PAMR1: variants seen among roughly 807,000 people sequenced by gnomAD.
PAMR1 encodes inactive serine protease PAMR1.
Under a neutral mutation model 81.8 loss-of-function variants are expected in PAMR1, and 88 were observed. The ratio of observed to expected loss-of-function variants is 1.08; its 90% CI spans 0.91 to 1.28. The LOEUF (loss-of-function observed/expected upper bound fraction) is 1.28. Ranked by LOEUF, PAMR1 falls within the 50% of genes most tolerant of loss-of-function variation. The pLI, the probability that PAMR1 is intolerant of heterozygous loss-of-function variation, is 0.00. For synonymous variants in PAMR1, 336 were observed against 345.3 expected (o/e 0.97, Z 0.30); for missense variants, 935 against 919.7 (o/e 1.02, Z -0.21).
At chr11:35,503,234 A>C (rs1004139762) in intron 1 of PAMR1, among the ~76,000 whole-genome samples, 2 of 149,860 alleles carry the variant, frequency 1.3e-5, no homozygotes, top group Non-Finnish European at 3.0e-5. Context: ...TGGTTTGGTT[A>C]CTACAGCTTT....
chr11:35,529,038 G>A (rs1851430229), upstream of PAMR1: 1 of 152,258 alleles, frequency 6.6e-6, no homozygotes, highest in South Asian at 2.1e-4. Flanking sequence ...GTTTACTGAG[G>A]ACATTCAGCC....
At chr11:35,487,022 C>T (rs961644643) in intron 3 of PAMR1, among the ~76,000 whole-genome samples, 5 of 152,012 alleles carry the variant, frequency 3.3e-5, no homozygotes, top group East Asian at 3.9e-4. Context: ...GTGTGTTTGG[C>T]TTGACCTCTT....
At chr11:35,478,971 C>A (rs1850332849) in intron 3 of PAMR1, among the ~76,000 whole-genome samples, 1 of 152,108 alleles carries the variant, frequency 6.6e-6, no homozygotes, top group Non-Finnish European at 1.5e-5. Flanking sequence ...GGAGGGGCGG[C>A]TGGATAGTCC....
At chr11:35,460,321 T>A (rs1856625237) in intron 6 of PAMR1, among the ~76,000 whole-genome samples, 1 of 152,178 alleles carries the variant, frequency 6.6e-6, no homozygotes, top group Admixed American at 6.5e-5. Context: ...TCTTTTTTTT[T>A]TTTTTATATA....
chr11:35,460,120 A>G (rs761530983), intron 6 of PAMR1, among the ~76,000 whole-genome samples: 6 of 152,246 alleles, frequency 3.9e-5, no homozygotes, highest in Non-Finnish European at 7.3e-5. Flanking sequence ...GAGGAGGGAC[A>G]TGTAGTTAAT....
At chr11:35,509,557 C>A (rs191143008) in intron 1 of PAMR1, among the ~76,000 whole-genome samples, 21 of 152,176 alleles carry the variant, frequency 1.4e-4, no homozygotes, top group South Asian at 8.3e-4. Flanking sequence ...TTTTTAAATT[C>A]TTAATGCAAT....
At chr11:35,474,813 A>C in intron 3 of PAMR1, 69 bp from the exon 4 acceptor site, 2 of 1,028,320 alleles carry the variant, frequency 1.9e-6, no homozygotes, top group South Asian at 2.8e-5. Context: ...AGAAGGTCTC[A>C]ACGAGACTTT....
At chr11:35,529,856 G>T (rs1452281730), upstream of PAMR1, 1 of 152,112 alleles carries the variant, frequency 6.6e-6, no homozygotes, top group East Asian at 1.9e-4. Flanking sequence ...ATAAAAAATT[G>T]GCTGTAATAG....
chr11:35,526,521 G>A (rs114178304), upstream of PAMR1, among the ~76,000 whole-genome samples: 1,068 of 152,346 alleles, frequency 7.0e-3, 11 homozygotes, highest in African/African-American at 0.024. Flanking sequence ...CAGGTGTCAT[G>A]TACCTTACAT....
chr11:35,477,128 A>T (rs182728853), intron 3 of PAMR1, among the ~76,000 whole-genome samples: 53 of 152,274 alleles, frequency 3.5e-4, no homozygotes, highest in Middle Eastern at 6.8e-3. Flanking sequence ...TCTATGGTCA[A>T]TATTATTACT....
intron 4 of PAMR1, 132 bp downstream of exon 4, chr11:35,474,498 G>C (rs1850249193): frequency 7.4e-6 from 4 of 542,464 alleles, no homozygotes; most frequent in Non-Finnish European, 1.3e-5. Flanking sequence ...CCTTATCCCA[G>C]AGAATCAGAG....
intron 10 of PAMR1, 77 bp from the exon 11 acceptor site, chr11:35,432,969 A>G: frequency 7.6e-7 from 1 of 1,320,632 alleles, no homozygotes; most frequent in East Asian, 2.4e-5. Context: ...GCTTGGAGCT[A>G]AATTTTTGGG....
intron 1 of PAMR1, among the ~76,000 whole-genome samples, chr11:35,517,721 T>C (rs650950): frequency 0.63 from 95,973 of 152,132 alleles, 31,692 homozygotes; most frequent in East Asian, 0.97. Flanking sequence ...CTGAAACCCA[T>C]TTTGGGAAAT....
chr11:35,491,907 T>A, intron 3 of PAMR1, 138 bp downstream of exon 3: 1 of 714,256 alleles, frequency 1.4e-6, no homozygotes, highest in South Asian at 2.5e-5. Flanking sequence ...ATCTTTGTTT[T>A]TATAGTTTTA....
intron 5 of PAMR1, among the ~76,000 whole-genome samples, chr11:35,469,082 T>C (rs765380809): frequency 7.9e-5 from 12 of 152,074 alleles, no homozygotes; most frequent in African/African-American, 1.2e-4. Context: ...TACAAGACAT[T>C]CAAAAAAGGG....
At chr11:35,527,070 C>T (rs1851406889), upstream of PAMR1, among the ~76,000 whole-genome samples, 1 of 152,082 alleles carries the variant, frequency 6.6e-6, no homozygotes, top group African/African-American at 2.4e-5. Context: ...CTGTAAAGCT[C>T]AGGACAGATC....
intron 3 of PAMR1, among the ~76,000 whole-genome samples, chr11:35,484,940 C>T (rs117452571): frequency 0.016 from 2,403 of 152,288 alleles, 35 homozygotes; most frequent in Non-Finnish European, 0.026. Flanking sequence ...CACTTCAGAA[C>T]GCAACTTTTG....
At chr11:35,479,044 A>C (rs4456236) in intron 3 of PAMR1, among the ~76,000 whole-genome samples, 48,206 of 152,030 alleles carry the variant, frequency 0.32, 7,982 homozygotes, top group African/African-American at 0.42. Context: ...CAGCTGGAAA[A>C]GGCTCTCAAC....
chr11:35,490,436 A>G (rs918528197), intron 3 of PAMR1, among the ~76,000 whole-genome samples: 1 of 152,250 alleles, frequency 6.6e-6, no homozygotes, highest in Non-Finnish European at 1.5e-5. Flanking sequence ...CCAAAGGTCA[A>G]TGTGAAATCT....
Sources: allele counts gnomAD v4.1 joint callset (sites outside exome capture counted in the v4.1 genomes callset), GRCh38; gene constraint gnomAD v4.1.1; transcripts MANE v1.5; gene names NCBI Gene and HGNC (gene_info 2026-07-23, HGNC 2026-07-21).